Variants in ZNF823 observed in about 807,000 individuals in gnomAD.
ZNF823 encodes zinc finger protein 823.
A neutral mutation model predicts 11.4 loss-of-function variants in ZNF823; 5 were observed. That is an observed-to-expected ratio of 0.44 (90% confidence interval 0.23 to 0.92). The LOEUF (loss-of-function observed/expected upper bound fraction) is 0.92. Among genes scored for constraint, ZNF823 ranks in the 40% least tolerant of loss-of-function variants. The pLI, the probability that ZNF823 is intolerant of heterozygous loss-of-function variation, is 0.24. For missense variants in ZNF823, 582 were observed against 738.5 expected (o/e 0.79, Z 2.46); for synonymous variants, 234 against 250.5 (o/e 0.93, Z 0.62).
Position 11,737,400 on chromosome 19 carries a change from A to G in ZNF823, c.3+1417T>C, listed in dbSNP as rs866014786. Among the ~76,000 whole-genome samples the G allele has an allele frequency of 5.9e-5, 9 of 152,130 alleles. No homozygotes were observed. In the South Asian group the frequency reaches 1.2e-3, roughly 21 times the overall value. On this transcript the variant is annotated intron_variant, in intron 1 of 3. Transcript: ENST00000341191. Reference sequence around the variant, plus strand: ...TCCCTCAGCCTCCCAAGTAGCTGGGATTACAGGCATGAGCCACCACCCCGG... The same window carrying G: ...TCCCTCAGCCTCCCAAGTAGCTGGGGTTACAGGCATGAGCCACCACCCCGG...
At chr19:11,737,964 C>A (rs1474017998) in intron 1 of ZNF823, among the ~76,000 whole-genome samples, 1 of 152,212 alleles carries the variant, frequency 6.6e-6, no homozygotes, top group East Asian at 1.9e-4. Flanking sequence ...TCTTCCAAAG[C>A]ACAAAGCCCA....
chr19:11,725,911 A>G (rs1168308409), intron 1 of ZNF823: 3 of 152,610 alleles, frequency 2.0e-5, no homozygotes, highest in Non-Finnish European at 4.4e-5. Flanking sequence ...CATGGGCAAC[A>G]TAGTGAGCCC....
chr19:11,731,253 G>A (rs1394294883), intron 1 of ZNF823, among the ~76,000 whole-genome samples: 4 of 151,846 alleles, frequency 2.6e-5, no homozygotes, highest in African/African-American at 7.3e-5. Context: ...CAGAGGTTGC[G>A]GTGAGCCGAG....
chr19:11,733,522 G>A (rs1489218594), intron 1 of ZNF823, among the ~76,000 whole-genome samples: 5 of 151,650 alleles, frequency 3.3e-5, no homozygotes, highest in Admixed American at 6.6e-5. Context: ...GCAACATGGC[G>A]AAACTGTCTT....
At chr19:11,736,346 G>C (rs987437743) in intron 1 of ZNF823, among the ~76,000 whole-genome samples, 1 of 143,554 alleles carries the variant, frequency 7.0e-6, no homozygotes. Flanking sequence ...GTGAAACCTC[G>C]TCTCTACTAA....
At chr19:11,733,032 C>T (rs1342751101) in intron 1 of ZNF823, among the ~76,000 whole-genome samples, 12 of 152,068 alleles carry the variant, frequency 7.9e-5, no homozygotes, top group Non-Finnish European at 1.5e-5. Flanking sequence ...TCCCATCACT[C>T]GGAAAAATCC....
chr19:11,731,025 G>A (rs953810969), intron 1 of ZNF823, among the ~76,000 whole-genome samples: 15 of 141,036 alleles, frequency 1.1e-4, no homozygotes, highest in Non-Finnish European at 1.4e-4. Context: ...AAAAAAAACC[G>A]CCCGCAGCCG....
intron 2 of ZNF823, 104 bp downstream of exon 2, chr19:11,725,097 G>T: frequency 6.9e-7 from 1 of 1,446,132 alleles, no homozygotes; most frequent in South Asian, 1.3e-5. Flanking sequence ...TGTTGTTCAA[G>T]GGTCAACCAT....
At chr19:11,733,342 AGC>A (rs1974936010) in intron 1 of ZNF823, among the ~76,000 whole-genome samples, 1 of 146,944 alleles carries the variant, frequency 6.8e-6, no homozygotes, top group Non-Finnish European at 1.5e-5. Flanking sequence ...ACTCCAGCCT[AGC>A]GACAGAGTGA....
rs750237819 is a variant in ZNF823, at chr19:11,738,869, C to A, written c.-50G>T. Reference sequence around the variant, plus strand: ...GTCCTCCTTAAAAGCCAGTGTGGGTCCCAGCGCGACAGACGCTGATACAGA... The same window carrying A: ...GTCCTCCTTAAAAGCCAGTGTGGGTACCAGCGCGACAGACGCTGATACAGA... On this transcript the variant is annotated 5_prime_UTR_variant, in exon 1 of 4. Coordinates refer to ENST00000341191, the MANE Select transcript of ZNF823 (RefSeq NM_001080493.4). 54 of 1,594,970 alleles carry A rather than the reference C, an allele frequency of 3.4e-5. No homozygotes were observed. Among genetic ancestry groups the A allele is most frequent in the Non-Finnish European group, 4.1e-5 (48 of 1,171,320 alleles).
intron 1 of ZNF823, among the ~76,000 whole-genome samples, chr19:11,731,441 AAC>A (rs1974892650): frequency 6.6e-6 from 1 of 152,226 alleles, no homozygotes; most frequent in Non-Finnish European, 1.5e-5. Context: ...TATACTGAAT[AAC>A]AGTCAGTCGG....
chr19:11,724,049 G>C lies in ZNF823; in HGVS notation c.191+145C>G, dbSNP rs1348584356. Reference sequence around the variant, plus strand: ...CAAAGTGCTGGGATTACATGTGCGAGTCACTGTGCTTGGTCAGAAAAAGAA... The same window carrying C: ...CAAAGTGCTGGGATTACATGTGCGACTCACTGTGCTTGGTCAGAAAAAGAA... On this transcript the variant is annotated intron_variant, in intron 3 of 3. Transcript: ENST00000341191. 6 of 642,346 alleles carry C rather than the reference G, an allele frequency of 9.3e-6. No homozygotes were observed. The Middle Eastern group carries it at 1.4e-3, about 148-fold the overall frequency. 39.8% of individuals were successfully genotyped at this position (642,346 alleles called of 1,614,324 possible). A position where few individuals can be genotyped will look rare whatever the true frequency, so the allele number is the denominator to read the frequency against.
intron 1 of ZNF823, among the ~76,000 whole-genome samples, chr19:11,732,634 G>C (rs112937206): frequency 4.7e-4 from 59 of 125,386 alleles, no homozygotes; most frequent in Middle Eastern, 0.012. Flanking sequence ...GGGGTTTCAC[G>C]GTGTTAGCCA....
At position 11,735,960 on chromosome 19, in the gene ZNF823, G is replaced by A. The variant is rs190244507; in HGVS notation, c.3+2857C>T. On this transcript the variant is annotated intron_variant, in intron 1 of 3. Transcript: ENST00000341191. ...ATAATGATATTTGAGTTCTTTAGCT[G>A]TTGGAAAGTCCTGTCCCACAGAATT... is the stretch of plus-strand genomic sequence containing the variant. Among the ~76,000 whole-genome samples, 573 of 149,556 alleles carry A rather than the reference G, an allele frequency of 3.8e-3. 6 individuals carry two copies. Among genetic ancestry groups the A allele is most frequent in the Middle Eastern group, 0.014 (4 of 294 alleles).
chr19:11,737,423 C>A (rs1368662664), intron 1 of ZNF823, among the ~76,000 whole-genome samples: 1 of 152,070 alleles, frequency 6.6e-6, no homozygotes, highest in Non-Finnish European at 1.5e-5. Context: ...GCCACCACCC[C>A]GGCTAATTTT....
intron 1 of ZNF823, among the ~76,000 whole-genome samples, chr19:11,737,560 CTTTTTTTTT>C (rs766360043): frequency 9.1e-6 from 1 of 110,492 alleles, no homozygotes; most frequent in South Asian, 3.0e-4. Flanking sequence ...CCGCGCCCGG[CTTTTTTTTT>C]TTTTTTTTTT....
intron 1 of ZNF823, among the ~76,000 whole-genome samples, chr19:11,731,992 A>C (rs1421286142): frequency 6.8e-6 from 1 of 146,790 alleles, no homozygotes; most frequent in Non-Finnish European, 1.5e-5. Context: ...TTGGGTAACA[A>C]GAGTGAAACT....
chr19:11,733,508 C>T (rs1974940821), intron 1 of ZNF823, among the ~76,000 whole-genome samples: 1 of 151,804 alleles, frequency 6.6e-6, no homozygotes, highest in Non-Finnish European at 1.5e-5. Flanking sequence ...CAAGATCAGC[C>T]TGGGCAACAT....
intron 1 of ZNF823, among the ~76,000 whole-genome samples, chr19:11,738,460 C>T (rs1318144320): frequency 6.6e-6 from 1 of 152,248 alleles, no homozygotes; most frequent in Non-Finnish European, 1.5e-5. Flanking sequence ...CCCCATTAAA[C>T]TGTTTCTGCT....
Sources: allele counts gnomAD v4.1 joint callset (sites outside exome capture counted in the v4.1 genomes callset), GRCh38; gene constraint gnomAD v4.1.1; transcripts MANE v1.5; gene names NCBI Gene and HGNC (gene_info 2026-07-23, HGNC 2026-07-21).